Variants in OASL observed in about 807,000 individuals in gnomAD.
OASL encodes 2'-5'-oligoadenylate synthetase like.
Under a neutral mutation model 35.3 loss-of-function variants are expected in OASL, and 28 were observed. That is an observed-to-expected ratio of 0.79 (90% CI 0.59 to 1.09). The LOEUF is 1.09. Ranked by LOEUF, OASL falls within the 50% of genes least tolerant of loss-of-function variation. The pLI, the probability that OASL is intolerant of heterozygous loss-of-function variation, is 0.00. For synonymous variants in OASL, 252 were observed against 254.6 expected (o/e 0.99, Z 0.10); for missense variants, 620 against 635.2 (o/e 0.98, Z 0.26).
chr12:121,020,415 GT>G, exon 6 of OASL: 1 of 868,186 alleles, frequency 1.2e-6, no homozygotes, highest in Non-Finnish European at 1.8e-6. Flanking sequence ...GATTACAGGT[GT>G]GAGCTACCAC....
At chr12:121,021,034 C>G (rs760159703) in exon 6 of OASL, 18 of 1,600,526 alleles carry the variant, frequency 1.1e-5, no homozygotes, top group Middle Eastern at 1.7e-4. Context: ...CTCTGCTCCA[C>G]TGTCAAGTGG....
chr12:121,033,850 G>A (rs1398739085), intron 1 of OASL, 107 bp from the exon 2 acceptor site: 1 of 1,246,682 alleles, frequency 8.0e-7, no homozygotes, highest in Non-Finnish European at 1.1e-6. Context: ...ACCCGCTGAG[G>A]GATGGGTTGT....
At chr12:121,019,389 G>A (rs968202057) in exon 6 of OASL, 2 of 150,522 alleles carry the variant, frequency 1.3e-5, no homozygotes, top group African/African-American at 4.8e-5. Flanking sequence ...GGCAAAACAG[G>A]GGGGCAAAAG....
exon 6 of OASL, chr12:121,020,655 T>C: frequency 6.2e-7 from 1 of 1,614,242 alleles, no homozygotes; most frequent in South Asian, 1.1e-5. Flanking sequence ...CAACCAGTCC[T>C]GCAGGACTTG....
chr12:121,024,405 T>C (rs545277509), intron 4 of OASL, among the ~76,000 whole-genome samples: 1 of 152,138 alleles, frequency 6.6e-6, no homozygotes, highest in Non-Finnish European at 1.5e-5. Flanking sequence ...TCACTTGAGG[T>C]CAGGAGTTCA....
At chr12:121,031,448 G>A (rs200277354) in exon 3 of OASL, 4 of 1,613,170 alleles carry the variant, frequency 2.5e-6, no homozygotes, top group East Asian at 2.2e-5. Context: ...TCACCTGCTG[G>A]TACCAGTGTT....
At chr12:121,039,093 G>A (rs1274044233) in exon 1 of OASL, 1 of 788,628 alleles carries the variant, frequency 1.3e-6, no homozygotes, top group Non-Finnish European at 2.1e-6. Flanking sequence ...TCTGTGGGAG[G>A]AGGGACCCTA....
At chr12:121,028,398 G>A (rs1033730438) in intron 3 of OASL, among the ~76,000 whole-genome samples, 5 of 152,150 alleles carry the variant, frequency 3.3e-5, no homozygotes, top group African/African-American at 4.8e-5. Flanking sequence ...GAAGGCATGC[G>A]ATCTAAGTTG....
chr12:121,033,763 G>T lies in OASL; in HGVS notation c.199-20C>A. On this transcript the variant is annotated intron_variant, in intron 1 of 5. Transcript: ENST00000257570. ...GCCCACCTGCAGAACACAGAGCCCCGTCACCCTGAGGCCCACTGCCATGAG... is the reference window on the plus strand; with the variant it reads ...GCCCACCTGCAGAACACAGAGCCCCTTCACCCTGAGGCCCACTGCCATGAG... The T allele has an allele frequency of 6.2e-7, 1 of 1,605,938 alleles. No individual in the cohort carries two copies. The highest frequency in any genetic ancestry group is 8.5e-7 in the Non-Finnish European group (1 of 1,176,712).
intron 5 of OASL, among the ~76,000 whole-genome samples, chr12:121,021,568 T>C (rs1251741019): frequency 5.9e-5 from 9 of 152,356 alleles, no homozygotes. Context: ...CCCAGCACTT[T>C]GGGAGGCCAA....
At chr12:121,022,795 C>T (rs927080796) in intron 5 of OASL, among the ~76,000 whole-genome samples, 1 of 152,182 alleles carries the variant, frequency 6.6e-6, no homozygotes, top group African/African-American at 2.4e-5. Context: ...ATTTCAACTC[C>T]TAACTTTTTA....
intron 1 of OASL, among the ~76,000 whole-genome samples, chr12:121,034,365 G>C (rs1018956692): frequency 1.3e-5 from 2 of 151,958 alleles, no homozygotes; most frequent in Non-Finnish European, 2.9e-5. Context: ...CTGGGTTTTG[G>C]CATGTCGCCC....
chr12:121,027,430 G>T, intron 4 of OASL, 146 bp downstream of exon 4: 2 of 1,215,768 alleles, frequency 1.6e-6, no homozygotes, highest in Non-Finnish European at 2.3e-6. Flanking sequence ...TGAGATGCCA[G>T]CTGTGTTGGT....
In OASL at chr12:121,024,055, G is replaced by A. The variant is rs1869374050; in HGVS notation, c.982C>T (p.Gln328Ter). 6 of 1,614,180 alleles carry A rather than the reference G, an allele frequency of 3.7e-6. No individual in the cohort carries two copies. The highest frequency in any genetic ancestry group is 4.2e-6 in the Non-Finnish European group (5 of 1,180,034). The change falls in exon 5 of 6, where the codon CAG becomes TAG. Residue 328 changes from glutamine (Q) to a stop codon, truncating the protein, a stop_gained. Transcript: ENST00000257570. LOFTEE classifies it high-confidence loss of function. ...TAGCAACAGTCCTGTTTCAGGCACT[G>A]GGAGGCCCTCTGAGCAACGATGTCC...
chr12:121,031,682 T>C, intron 2 of OASL, 65 bp from the exon 3 acceptor site: 1 of 1,439,312 alleles, frequency 6.9e-7, no homozygotes, highest in Non-Finnish European at 9.7e-7. Flanking sequence ...GTAAGTAGTA[T>C]TTTGGGGAGA....
chr12:121,036,509 C>T (rs1869962832), intron 1 of OASL, among the ~76,000 whole-genome samples: 1 of 152,118 alleles, frequency 6.6e-6, no homozygotes, highest in Non-Finnish European at 1.5e-5. Context: ...CTTGGCCGGG[C>T]GTGGTGGTTC....
intron 1 of OASL, among the ~76,000 whole-genome samples, chr12:121,035,511 C>T (rs1240480020): frequency 1.9e-5 from 2 of 103,678 alleles, no homozygotes; most frequent in South Asian, 3.4e-4. Context: ...GGCGACACAG[C>T]GAGACTCCAT....
intron 2 of OASL, among the ~76,000 whole-genome samples, 162 bp from the exon 3 acceptor site, chr12:121,031,779 C>T (rs1333401275): frequency 6.6e-6 from 1 of 152,110 alleles, no homozygotes; most frequent in African/African-American, 2.4e-5. Context: ...TCTAATTGTC[C>T]TTTTTGTGAA....
At chr12:121,026,873 C>T (rs979538839) in intron 4 of OASL, among the ~76,000 whole-genome samples, 16 of 151,218 alleles carry the variant, frequency 1.1e-4, no homozygotes, top group African/African-American at 1.7e-4. Flanking sequence ...AAAAAAGTTA[C>T]GCAATGAGAC....
Sources: gnomAD v4.1 joint callset for allele counts (sites outside exome capture counted in the v4.1 genomes callset) on GRCh38, gnomAD v4.1.1 for gene constraint, MANE v1.5 for transcripts, NCBI Gene and HGNC (gene_info 2026-07-23, HGNC 2026-07-21) for gene names.